RAP1GAP2: variants seen among roughly 807,000 people sequenced by gnomAD.
RAP1GAP2 encodes the protein rap1 GTPase-activating protein 2.
Under a neutral mutation model 95.0 loss-of-function variants are expected in RAP1GAP2, and 27 were observed. The ratio of observed to expected loss-of-function variants is 0.28; its 90% CI spans 0.21 to 0.39. The LOEUF (loss-of-function observed/expected upper bound fraction) is 0.39. Ranked by LOEUF, RAP1GAP2 falls within the 10% of genes least tolerant of loss-of-function variation. The pLI is 1.00. For synonymous variants in RAP1GAP2, 373 were observed against 380.9 expected (o/e 0.98, Z 0.24); for missense variants, 771 against 970.0 (o/e 0.79, Z 2.72).
intron 3 of RAP1GAP2, among the ~76,000 whole-genome samples, chr17:2,905,988 C>T (rs766546781): frequency 2.5e-4 from 38 of 152,162 alleles, no homozygotes; most frequent in African/African-American, 4.3e-4. Flanking sequence ...CTTTTCAGTC[C>T]GACGCCTCGG....
At chr17:2,858,539 C>G (rs2072241869) in intron 2 of RAP1GAP2, among the ~76,000 whole-genome samples, 1 of 152,148 alleles carries the variant, frequency 6.6e-6, no homozygotes, top group Non-Finnish European at 1.5e-5. Context: ...CACTCCTCCA[C>G]AAGATTATTT....
At chr17:3,009,981 C>T (rs1173844397) in intron 17 of RAP1GAP2, among the ~76,000 whole-genome samples, 1 of 152,134 alleles carries the variant, frequency 6.6e-6, no homozygotes, top group East Asian at 1.9e-4. Context: ...CCAGAGGCTC[C>T]ACCACACTCC....
Position 2,965,492 on chromosome 17 carries a change from T to C in RAP1GAP2, c.493-48T>C, listed in dbSNP as rs1352026871. ...GGAGGTGGTTTAGGGGGAACATACC[T>C]GGAAGGTTTCTTCCTCCTTCCTGCT... On this transcript the variant is annotated intron_variant, in intron 7 of 24. Transcript: ENST00000254695. The surrounding 1 kb of genome is among the most constrained non-coding windows in gnomAD (Gnocchi z 4.7). 3 of 1,440,408 alleles carry C rather than the reference T, an allele frequency of 2.1e-6. No individual in the cohort carries two copies. In the East Asian group the frequency reaches 7.2e-5, roughly 35 times the overall value. The allele number at this position is 1,440,408 out of a possible 1,614,324, so 89.2% of individuals were successfully genotyped here.
intron 2 of RAP1GAP2, among the ~76,000 whole-genome samples, chr17:2,895,932 G>T (rs2041808643): frequency 6.6e-6 from 1 of 151,982 alleles, no homozygotes; most frequent in Admixed American, 6.6e-5. Context: ...TGTGTCTCCT[G>T]GGCATTGCGA....
intron 2 of RAP1GAP2, among the ~76,000 whole-genome samples, chr17:2,898,417 C>A (rs2041911917): frequency 6.6e-6 from 1 of 152,206 alleles, no homozygotes; most frequent in South Asian, 2.1e-4. Context: ...CCTCTTCCCT[C>A]CCCCACACTC....
intron 2 of RAP1GAP2, among the ~76,000 whole-genome samples, chr17:2,801,597 ATGTG>A (rs71150898): frequency 0.18 from 21,794 of 119,472 alleles, 1,899 homozygotes; most frequent in Non-Finnish European, 0.25. Context: ...ACTCCAGGGT[ATGTG>A]TGTGTGTGTG....
At chr17:2,882,733 G>A (rs2073354328) in intron 2 of RAP1GAP2, among the ~76,000 whole-genome samples, 1 of 152,188 alleles carries the variant, frequency 6.6e-6, no homozygotes. Flanking sequence ...TGGGATGCGG[G>A]TGCCGTTGTC....
chr17:2,882,032 G>T (rs1248301843), intron 2 of RAP1GAP2, among the ~76,000 whole-genome samples: 1 of 151,492 alleles, frequency 6.6e-6, no homozygotes, highest in Non-Finnish European at 1.5e-5. Context: ...GTGTTAGCCA[G>T]GATGGCCTCG....
chr17:2,977,693 C>T (rs533329071), intron 8 of RAP1GAP2, among the ~76,000 whole-genome samples: 278 of 145,502 alleles, frequency 1.9e-3, no homozygotes, highest in African/African-American at 6.7e-3. Flanking sequence ...TGCAGTGAGC[C>T]GAGATTGTAC....
At chr17:2,983,472 C>T (rs1247400814) in intron 10 of RAP1GAP2, among the ~76,000 whole-genome samples, 8 of 152,182 alleles carry the variant, frequency 5.3e-5, no homozygotes, top group Non-Finnish European at 7.3e-5. Context: ...AAAGATATTG[C>T]GCCATCTTTG....
chr17:3,036,399 G>C lies in RAP1GAP2; in HGVS notation c.*3038G>C, dbSNP rs1326302787. 1 of 152,264 alleles carries C rather than the reference G, an allele frequency of 6.6e-6. No individual in the cohort carries two copies. The highest frequency in any genetic ancestry group is 1.5e-5 in the Non-Finnish European group (1 of 68,080). 9.4% of individuals were successfully genotyped at this position (152,264 alleles called of 1,614,324 possible). On this transcript the variant is annotated 3_prime_UTR_variant, in exon 25 of 25. Coordinates refer to ENST00000254695, the MANE Select transcript of RAP1GAP2 (RefSeq NM_015085.5). ...CATGGTTGGTTGAATAAGTGGCTGCGTTTCCTGGGGCCCTGGGTTTTGGGG... is the reference window on the plus strand; with the variant it reads ...CATGGTTGGTTGAATAAGTGGCTGCCTTTCCTGGGGCCCTGGGTTTTGGGG...
chr17:2,880,198 G>T (rs868118402), intron 2 of RAP1GAP2, among the ~76,000 whole-genome samples: 2 of 152,126 alleles, frequency 1.3e-5, no homozygotes, highest in African/African-American at 2.4e-5. Flanking sequence ...GAAGGCTTGG[G>T]GGGGATGGGA....
At chr17:2,895,603 G>A (rs936596629) in intron 2 of RAP1GAP2, among the ~76,000 whole-genome samples, 1 of 152,012 alleles carries the variant, frequency 6.6e-6, no homozygotes, top group Non-Finnish European at 1.5e-5. Context: ...TTGAGACGGG[G>A]TCTTGCTCTG....
At chr17:2,841,019 G>A (rs1320595786) in intron 2 of RAP1GAP2, among the ~76,000 whole-genome samples, 7 of 150,434 alleles carry the variant, frequency 4.7e-5, no homozygotes, top group Non-Finnish European at 1.0e-4. Context: ...GACCGGTGTG[G>A]TGGCTCACGC....
intron 4 of RAP1GAP2, among the ~76,000 whole-genome samples, chr17:2,960,816 GT>G: frequency 6.6e-6 from 1 of 152,338 alleles, no homozygotes; most frequent in Admixed American, 6.5e-5. Context: ...GTTTCTTCTA[GT>G]TTGTGTACCG....
chr17:2,791,939 A>G (rs1294880844), upstream of RAP1GAP2, among the ~76,000 whole-genome samples: 2 of 150,746 alleles, frequency 1.3e-5, no homozygotes, highest in African/African-American at 4.9e-5. Flanking sequence ...GGCTCACTGA[A>G]ACCTCCGCCT....
chr17:2,854,673 C>T (rs562860907), intron 2 of RAP1GAP2, among the ~76,000 whole-genome samples: 1 of 152,164 alleles, frequency 6.6e-6, no homozygotes, highest in African/African-American at 2.4e-5. Flanking sequence ...AAATAGTTTT[C>T]TTTAGCTATT....
intron 8 of RAP1GAP2, among the ~76,000 whole-genome samples, chr17:2,977,274 CAT>C (rs550831253): frequency 8.6e-4 from 131 of 152,146 alleles, no homozygotes; most frequent in African/African-American, 2.8e-3. Flanking sequence ...TTTATATAAA[CAT>C]ATAAATTTCC....
At chr17:2,993,112 C>G (rs568337509) in intron 12 of RAP1GAP2, among the ~76,000 whole-genome samples, 81 of 149,684 alleles carry the variant, frequency 5.4e-4, no homozygotes, top group African/African-American at 1.9e-3. Context: ...GTCCCAGCTA[C>G]TTGGGAGGCT....
Sources: allele counts gnomAD v4.1 joint callset (sites outside exome capture counted in the v4.1 genomes callset), GRCh38; gene constraint gnomAD v4.1.1; non-coding constraint Gnocchi (gnomAD v3.1); transcripts MANE v1.5; gene names NCBI Gene and HGNC (gene_info 2026-07-23, HGNC 2026-07-21).